The following CYP4F2 variants were observed in gnomAD, a reference collection of about 807,000 sequenced individuals.
CYP4F2 encodes cytochrome P450 4F2.
A neutral mutation model predicts 58.9 loss-of-function variants in CYP4F2; 58 were observed. That is an observed-to-expected ratio of 0.98 (90% CI 0.80 to 1.23). The LOEUF (loss-of-function observed/expected upper bound fraction) is 1.23. Ranked by LOEUF, CYP4F2 falls within the 50% of genes most tolerant of loss-of-function variation. The probability of loss-of-function intolerance (pLI) is 0.00; values close to 1 mark genes in which losing one functional copy is unlikely to be tolerated. For synonymous variants in CYP4F2, 287 were observed against 261.1 expected, an observed-to-expected ratio of 1.10 and a Z score of -0.95; for missense variants, 616 against 685.6, an observed-to-expected ratio of 0.90 and a Z score of 1.13.
chr19:15,896,815 C>T (rs952327963), intron 2 of CYP4F2, among the ~76,000 whole-genome samples: 5 of 152,182 alleles, frequency 3.3e-5, no homozygotes, highest in African/African-American at 4.8e-5. Context: ...AAGAGGAGAG[C>T]GGTCTAAGTC....
intron 2 of CYP4F2, among the ~76,000 whole-genome samples, chr19:15,896,388 G>C (rs1160999826): frequency 1.3e-5 from 2 of 152,144 alleles, no homozygotes; most frequent in African/African-American, 2.4e-5. Context: ...AAGACGCACT[G>C]TCCACTCACA....
At chr19:15,897,635 G>T (rs560956487) in intron 1 of CYP4F2, 23 bp from the exon 2 acceptor site, 1 of 1,611,564 alleles carries the variant, frequency 6.2e-7, no homozygotes, top group East Asian at 2.2e-5. Flanking sequence ...CGGGATGGAC[G>T]GTGAGATCCT....
At chr19:15,891,464 TA>T (rs139717116) in intron 5 of CYP4F2, among the ~76,000 whole-genome samples, 53 of 150,196 alleles carry the variant, frequency 3.5e-4, no homozygotes, top group South Asian at 6.4e-4. Context: ...ATTTGCAAGT[TA>T]AAAAAAAAAT....
At chr19:15,892,979 A>G (rs1419849184) in intron 3 of CYP4F2, among the ~76,000 whole-genome samples, 1 of 152,154 alleles carries the variant, frequency 6.6e-6, no homozygotes, top group Non-Finnish European at 1.5e-5. Context: ...TCTGACATGG[A>G]CCTGGACATG....
At chr19:15,896,065 TATCTATCCATCCATCCATCC>T (rs1568474497) in intron 2 of CYP4F2, among the ~76,000 whole-genome samples, 3 of 128,010 alleles carry the variant, frequency 2.3e-5, no homozygotes, top group African/African-American at 9.5e-5. Flanking sequence ...TTTGTCTATC[TATCTATCCATCCATCCATCC>T]ATCCATCCAT....
At chr19:15,897,268 T>C in intron 2 of CYP4F2, 146 bp downstream of exon 2, 1 of 843,296 alleles carries the variant, frequency 1.2e-6, no homozygotes, top group East Asian at 2.7e-5. Context: ...CAGAAATGAA[T>C]AAGCAGAGGA....
intron 5 of CYP4F2, among the ~76,000 whole-genome samples, chr19:15,891,381 T>C (rs1381257484): frequency 6.6e-6 from 1 of 152,062 alleles, no homozygotes; most frequent in Non-Finnish European, 1.5e-5. Flanking sequence ...TAGTAAACTA[T>C]CCTTTGTCTC....
rs369130739 is a variant in CYP4F2, at chr19:15,879,868, G to A, written c.1145C>T (p.Thr382Ile). The change falls in exon 10 of 13, where the codon ACC becomes ATC. Residue 382 changes from threonine to isoleucine, a missense_variant. Thr to Ile is a moderately conservative substitution (Grantham distance 89). Transcript: ENST00000221700. Reference protein sequence around the residue: ...WDDLAHLPFLTMCMKESLRLH... With the variant: ...WDDLAHLPFLIMCMKESLRLH... Reference sequence around the variant, plus strand: ...CCGCAGGCTCTCCTTCATGCACATGGTCAGGAAGGGCAAATGGGCCAGGTC... The same window carrying A: ...CCGCAGGCTCTCCTTCATGCACATGATCAGGAAGGGCAAATGGGCCAGGTC... 5.6e-6 allele frequency: 9 copies of A among 1,614,072 alleles called. No homozygotes were observed. The Middle Eastern group carries it at 6.6e-4, about 118-fold the overall frequency.
In CYP4F2 at chr19:15,878,531, A is replaced by C; in HGVS notation, c.*240T>G. ...TGTATGGATGGACCACATTTTGTTTATCCTTTCATCTGGTAATATATAGCT... is the reference window on the plus strand; with the variant it reads ...TGTATGGATGGACCACATTTTGTTTCTCCTTTCATCTGGTAATATATAGCT... On this transcript the variant is annotated 3_prime_UTR_variant, in exon 13 of 13. Coordinates refer to ENST00000221700, the MANE Select transcript of CYP4F2 (RefSeq NM_001082.5). 1 of 661,116 alleles carries C rather than the reference A, an allele frequency of 1.5e-6. No individual in the cohort carries two copies. Among genetic ancestry groups the C allele is most frequent in the East Asian group, 3.0e-5 (1 of 33,030 alleles). The allele number at this position is 661,116 out of a possible 1,614,324, so 41.0% of individuals were successfully genotyped here.
At chr19:15,879,504 G>A in intron 11 of CYP4F2, 76 bp from the exon 12 acceptor site, 1 of 1,606,522 alleles carries the variant, frequency 6.2e-7, no homozygotes, top group Non-Finnish European at 8.5e-7. Context: ...ACAGTTGTGT[G>A]TGTCTTTGAG....
In CYP4F2 at chr19:15,895,667, G is replaced by T. The variant is rs779597671; in HGVS notation, c.199-17C>A. 1 of 1,585,936 alleles carries T rather than the reference G, an allele frequency of 6.3e-7. No individual in the cohort carries two copies. Among genetic ancestry groups the T allele is most frequent in the East Asian group, 2.4e-5 (1 of 42,498 alleles). On this transcript the variant is annotated splice_polypyrimidine_tract_variant and intron_variant, in intron 2 of 12. Transcript: ENST00000221700. The stretch of plus-strand genomic sequence containing the variant: ...GGGGTTGACCTGCAAGCAAGGCAGG[G>T]GTCATTACCTTCTGTGATAGTTAAT...
Position 15,897,488 on chromosome 19 carries a change from A to G in CYP4F2, c.124T>C (p.Tyr42His). 1 of 1,614,050 alleles carries G rather than the reference A, an allele frequency of 6.2e-7. No homozygotes were observed. The highest frequency in any genetic ancestry group is 8.5e-7 in the Non-Finnish European group (1 of 1,179,988). Reference sequence around the variant, plus strand: ...CACCGAAGGCGGCGGCAGTTGTCATAGAAGGCGTAGGTCCAGGCCAGGACA... The same window carrying G: ...CACCGAAGGCGGCGGCAGTTGTCATGGAAGGCGTAGGTCCAGGCCAGGACA... ...AHVLAWTYAF[Y>H]DNCRRLRCFP... Residue 42 changes from tyrosine (Y) to histidine (H), a missense_variant, in exon 2 of 13, where the codon TAT becomes CAT. Physicochemically the swap from Tyr to His is moderately conservative, Grantham distance 83 (BLOSUM62 2). Transcript: ENST00000221700.
chr19:15,892,617 G>A, intron 3 of CYP4F2, 35 bp from the exon 4 acceptor site: 1 of 1,604,774 alleles, frequency 6.2e-7, no homozygotes, highest in African/African-American at 1.3e-5. Context: ...GGCCATGGAG[G>A]CAGGTGAAAG....
intron 9 of CYP4F2, among the ~76,000 whole-genome samples, chr19:15,885,014 G>A (rs754123023): frequency 2.8e-5 from 4 of 143,418 alleles, no homozygotes; most frequent in South Asian, 2.2e-4. Flanking sequence ...TACCATCTCC[G>A]GTTTTATCAT....
chr19:15,891,831 A>G (rs2089418137), intron 5 of CYP4F2, among the ~76,000 whole-genome samples: 1 of 152,156 alleles, frequency 6.6e-6, no homozygotes, highest in African/African-American at 2.4e-5. Flanking sequence ...AAACCCAAAC[A>G]TGTGGCAGAA....
intron 9 of CYP4F2, among the ~76,000 whole-genome samples, chr19:15,882,011 A>G (rs2089348932): frequency 6.6e-6 from 1 of 152,056 alleles, no homozygotes; most frequent in Admixed American, 6.6e-5. Flanking sequence ...TTGGGAGGCC[A>G]AGGGCGGCAG....
chr19:15,894,072 A>C (rs900760844), intron 3 of CYP4F2, among the ~76,000 whole-genome samples: 71 of 152,154 alleles, frequency 4.7e-4, no homozygotes, highest in African/African-American at 1.5e-3. Flanking sequence ...ACACAGACAG[A>C]AAAGGTCTTT....
intron 9 of CYP4F2, among the ~76,000 whole-genome samples, chr19:15,884,014 G>A (rs574904636): frequency 2.0e-4 from 31 of 152,156 alleles, no homozygotes; most frequent in Middle Eastern, 3.4e-3. Flanking sequence ...AGCCAAGATC[G>A]TGCCACCGCA....
At chr19:15,886,173 G>T (rs894504373) in intron 8 of CYP4F2, 69 bp downstream of exon 8, 2 of 1,610,768 alleles carry the variant, frequency 1.2e-6, no homozygotes, top group Non-Finnish European at 1.7e-6. Flanking sequence ...GGTTGTGGGG[G>T]TCTACCCACC....
Sources: allele counts gnomAD v4.1 joint callset (sites outside exome capture counted in the v4.1 genomes callset), GRCh38; gene constraint gnomAD v4.1.1; transcripts MANE v1.5; gene names NCBI Gene and HGNC (gene_info 2026-07-23, HGNC 2026-07-21).